Variants in NRXN3 observed in about 807,000 individuals in gnomAD.
NRXN3 encodes the protein neurexin 3, also known as neurexin III.
A neutral mutation model predicts 137.6 loss-of-function variants in NRXN3; 32 were observed. That is an observed-to-expected ratio of 0.23 (90% CI 0.18 to 0.31). NRXN3 has a LOEUF of 0.31. Among genes scored for constraint, NRXN3 ranks in the 10% least tolerant of loss-of-function variants. The pLI is 1.00. For synonymous variants in NRXN3, 798 were observed against 784.5 expected (o/e 1.02, Z -0.29); for missense variants, 1,574 against 2,062.5 (o/e 0.76, Z 4.59).
chr14:79,672,052 T>C (rs974445874), intron 17 of NRXN3, among the ~76,000 whole-genome samples: 1 of 152,058 alleles, frequency 6.6e-6, no homozygotes, highest in Non-Finnish European at 1.5e-5. Context: ...ATAACAATTG[T>C]AGTAGCCAAA....
chr14:79,565,948 C>T (rs113854925), intron 16 of NRXN3, among the ~76,000 whole-genome samples: 1 of 151,928 alleles, frequency 6.6e-6, no homozygotes, highest in Non-Finnish European at 1.5e-5. Flanking sequence ...ATACAGGCAC[C>T]CAAGAACAGG....
At chr14:79,364,364 A>G (rs1034926436) in intron 15 of NRXN3, among the ~76,000 whole-genome samples, 2 of 152,352 alleles carry the variant, frequency 1.3e-5, no homozygotes, top group South Asian at 4.1e-4. Context: ...ATGTTATTAC[A>G]TTACTTACAC....
intron 15 of NRXN3, among the ~76,000 whole-genome samples, chr14:79,301,754 C>T (rs12882872): frequency 0.24 from 37,075 of 151,394 alleles, 5,520 homozygotes; most frequent in Admixed American, 0.41. Flanking sequence ...TGTGCGCGCG[C>T]GTGCATATAT....
intron 4 of NRXN3, among the ~76,000 whole-genome samples, chr14:78,314,412 C>A (rs895758584): frequency 2.0e-5 from 3 of 152,138 alleles, no homozygotes; most frequent in Non-Finnish European, 4.4e-5. Context: ...AGTGGGGGAT[C>A]TCTACTCCAC....
chr14:78,393,003 C>T (rs1001452456), intron 4 of NRXN3, among the ~76,000 whole-genome samples: 2 of 151,938 alleles, frequency 1.3e-5, no homozygotes, highest in Non-Finnish European at 2.9e-5. Context: ...TTTCAGAATC[C>T]GAAAGCTGAT....
At chr14:78,196,760 C>T (rs949580330) in intron 1 of NRXN3, among the ~76,000 whole-genome samples, 8 of 152,076 alleles carry the variant, frequency 5.3e-5, no homozygotes, top group Admixed American at 1.3e-4. Context: ...AGGTATATGG[C>T]GCTATTAGAA....
intron 15 of NRXN3, among the ~76,000 whole-genome samples, chr14:79,232,725 T>C (rs1334208993): frequency 6.6e-6 from 1 of 152,146 alleles, no homozygotes; most frequent in Non-Finnish European, 1.5e-5. Flanking sequence ...GATCTCATGC[T>C]TCAGGGAATA....
chr14:79,025,883 C>T (rs1010904091), intron 15 of NRXN3, among the ~76,000 whole-genome samples: 3 of 152,092 alleles, frequency 2.0e-5, no homozygotes, highest in African/African-American at 4.8e-5. Context: ...CCACTCTCTT[C>T]TATCTTTCTG....
At chr14:79,541,001 T>G (rs949012549) in intron 16 of NRXN3, among the ~76,000 whole-genome samples, 1 of 152,158 alleles carries the variant, frequency 6.6e-6, no homozygotes, top group African/African-American at 2.4e-5. Context: ...ATGAATCCCT[T>G]CCATGCCTCT....
chr14:78,485,095 A>G (rs1412763708), intron 4 of NRXN3, among the ~76,000 whole-genome samples: 1 of 152,194 alleles, frequency 6.6e-6, no homozygotes, highest in Admixed American at 6.5e-5. Context: ...AGGCTACAGT[A>G]TTATAGCCTG....
intron 17 of NRXN3, among the ~76,000 whole-genome samples, chr14:79,685,184 T>C (rs966777945): frequency 6.6e-6 from 1 of 152,228 alleles, no homozygotes; most frequent in Non-Finnish European, 1.5e-5. Flanking sequence ...AAATCATATA[T>C]TGAGGGATTA....
Position 78,681,147 on chromosome 14 carries a change from T to G in NRXN3, c.1222-28070T>G, listed in dbSNP as rs1259058535. Among the ~76,000 whole-genome samples the G allele has an allele frequency of 3.9e-5, 6 of 152,224 alleles. 1 individual carries two copies. Among genetic ancestry groups the G allele is most frequent in the Admixed American group, 6.5e-5 (1 of 15,284 alleles). On this transcript the variant is annotated intron_variant, in intron 6 of 20. Transcript: ENST00000335750. ...ATTCTTTCTATGACACAGTCTTATG[T>G]GCTTGGGGCTTATGTCACATTCTAA...
At chr14:79,433,290 A>G (rs1201911166) in intron 15 of NRXN3, among the ~76,000 whole-genome samples, 1 of 152,150 alleles carries the variant, frequency 6.6e-6, no homozygotes, top group Admixed American at 6.6e-5. Flanking sequence ...GGGAAATCCT[A>G]AAAGAAAAAA....
intron 15 of NRXN3, among the ~76,000 whole-genome samples, chr14:79,093,229 C>T (rs527271290): frequency 6.6e-6 from 1 of 152,272 alleles, no homozygotes; most frequent in East Asian, 1.9e-4. Context: ...TGAGGGAAAG[C>T]TTCCTGGACA....
In NRXN3 at chr14:79,415,094, A is replaced by C. The variant is rs534018610; in HGVS notation, c.3263-52127A>C. 2.6e-4 allele frequency among the ~76,000 whole-genome samples: 40 copies of C among 152,238 alleles called. No homozygotes were observed. In the South Asian group the frequency reaches 8.1e-3, roughly 31 times the overall value. ...TATATATATGTGTGTTTATACATGC[A>C]TACATATCTCTCTCACACATTTTCT... On this transcript the variant is annotated intron_variant, in intron 15 of 20. Coordinates refer to ENST00000335750, the MANE Select transcript of NRXN3 (RefSeq NM_001330195.2).
At chr14:78,649,899 ACT>A in intron 5 of NRXN3, among the ~76,000 whole-genome samples, 1 of 152,002 alleles carries the variant, frequency 6.6e-6, no homozygotes, top group Middle Eastern at 3.4e-3. Context: ...CTCCATACAA[ACT>A]CTGCATGGCA....
chr14:79,229,946 T>G (rs1235120054), intron 15 of NRXN3, among the ~76,000 whole-genome samples: 1 of 152,108 alleles, frequency 6.6e-6, no homozygotes, highest in Non-Finnish European at 1.5e-5. Flanking sequence ...CTCTGAGAGA[T>G]GGACCCTGTG....
chr14:79,116,662 ATGTTTCTCTGGTG>A (rs2152905828), intron 15 of NRXN3, among the ~76,000 whole-genome samples: 1 of 152,246 alleles, frequency 6.6e-6, no homozygotes, highest in African/African-American at 2.4e-5. Context: ...CTTAATGATG[ATGTTTCTCTGGTG>A]TGTGAAGGGT....
At chr14:78,174,010 C>T (rs551247671) in intron 1 of NRXN3, among the ~76,000 whole-genome samples, 19 of 152,194 alleles carry the variant, frequency 1.2e-4, no homozygotes, top group Middle Eastern at 3.4e-3. Context: ...TCTTTCTTCT[C>T]GCCATTATTC....
Sources: allele counts gnomAD v4.1 joint callset (sites outside exome capture counted in the v4.1 genomes callset), GRCh38; gene constraint gnomAD v4.1.1; transcripts MANE v1.5; gene names NCBI Gene and HGNC (gene_info 2026-07-23, HGNC 2026-07-21).